The following SNTB2 variants were observed in gnomAD, a reference collection of about 807,000 sequenced individuals.
The protein encoded by SNTB2 is beta-2-syntrophin.
SNTB2 carries 34 observed loss-of-function variants against 46.2 expected under a neutral mutation model. The observed-to-expected ratio is 0.74, with a 90% confidence interval of 0.56 to 0.98. The LOEUF is 0.98. SNTB2 is among the 50% of genes least tolerant of loss of function. The pLI is 0.00. For synonymous variants in SNTB2, 290 were observed against 312.6 expected, an observed-to-expected ratio of 0.93 and a Z score of 0.76; for missense variants, 603 against 731.4, an observed-to-expected ratio of 0.82 and a Z score of 2.02.
intron 1 of SNTB2, among the ~76,000 whole-genome samples, chr16:69,224,588 T>C (rs72795244): frequency 1.3e-5 from 2 of 152,282 alleles, no homozygotes; most frequent in East Asian, 3.9e-4. Flanking sequence ...CCCAGTAATT[T>C]TAGCATAAAT....
intron 2 of SNTB2, among the ~76,000 whole-genome samples, chr16:69,253,343 T>C (rs1597187921): frequency 6.6e-6 from 1 of 152,030 alleles, no homozygotes; most frequent in African/African-American, 2.4e-5. Flanking sequence ...GCAAAATTTT[T>C]CTTTTCATAA....
intron 1 of SNTB2, among the ~76,000 whole-genome samples, chr16:69,192,895 A>G (rs544265791): frequency 6.6e-6 from 1 of 152,290 alleles, no homozygotes; most frequent in South Asian, 2.1e-4. Context: ...AGACATTGCT[A>G]GAATGCTATA....
intron 3 of SNTB2, among the ~76,000 whole-genome samples, chr16:69,269,315 G>A (rs770689460): frequency 2.0e-5 from 3 of 151,684 alleles, no homozygotes; most frequent in East Asian, 3.9e-4. Context: ...TCAGGAGATC[G>A]AGACCATCCC....
chr16:69,277,956 T>C (rs544617353), intron 4 of SNTB2, among the ~76,000 whole-genome samples: 3 of 152,318 alleles, frequency 2.0e-5, no homozygotes, highest in East Asian at 3.9e-4. Flanking sequence ...CCAAGGCATG[T>C]GGATCGCTTG....
At chr16:69,202,741 A>C (rs1377384814) in intron 1 of SNTB2, among the ~76,000 whole-genome samples, 5 of 151,944 alleles carry the variant, frequency 3.3e-5, no homozygotes, top group African/African-American at 1.2e-4. Context: ...ACGCCTGGCT[A>C]ATTTTTGTAT....
chr16:69,279,848 AATT>A (rs1359404855), intron 4 of SNTB2, among the ~76,000 whole-genome samples: 2 of 120,812 alleles, frequency 1.7e-5, no homozygotes, highest in African/African-American at 5.6e-5. Flanking sequence ...CATTTTTTTT[AATT>A]AATTAATTAA....
intron 5 of SNTB2, among the ~76,000 whole-genome samples, chr16:69,289,764 A>G (rs975604776): frequency 1.3e-5 from 2 of 152,090 alleles, no homozygotes; most frequent in African/African-American, 2.4e-5. Context: ...TCTACAAAAA[A>G]TTAAAAAATT....
intron 1 of SNTB2, among the ~76,000 whole-genome samples, chr16:69,245,256 T>C (rs561326363): frequency 6.6e-6 from 1 of 152,268 alleles, no homozygotes; most frequent in East Asian, 1.9e-4. Flanking sequence ...TGGAGTGCAG[T>C]GGCACAATCT....
intron 1 of SNTB2, among the ~76,000 whole-genome samples, chr16:69,213,124 T>G (rs780608666): frequency 5.9e-5 from 9 of 152,200 alleles, no homozygotes; most frequent in Admixed American, 3.9e-4. Flanking sequence ...TTTCTTTATA[T>G]GTAAAATGGG....
chr16:69,227,072 C>A (rs1454243176), intron 1 of SNTB2, among the ~76,000 whole-genome samples: 1 of 152,146 alleles, frequency 6.6e-6, no homozygotes, highest in Non-Finnish European at 1.5e-5. Flanking sequence ...TGGGGCTGAC[C>A]AAGGGCCTTT....
chr16:69,224,490 C>T (rs531596961), intron 1 of SNTB2, among the ~76,000 whole-genome samples: 76 of 152,294 alleles, frequency 5.0e-4, no homozygotes, highest in Non-Finnish European at 9.3e-4. Flanking sequence ...GGATTACAGG[C>T]GTGAGCCACT....
chr16:69,290,923 A>C (rs1412752336), intron 5 of SNTB2, among the ~76,000 whole-genome samples: 1 of 152,230 alleles, frequency 6.6e-6, no homozygotes, highest in Non-Finnish European at 1.5e-5. Flanking sequence ...TGACCAGGTT[A>C]AACTTCTGAA....
chr16:69,292,629 T>G (rs1350112219), intron 5 of SNTB2, among the ~76,000 whole-genome samples: 1 of 146,568 alleles, frequency 6.8e-6, no homozygotes, highest in African/African-American at 2.5e-5. Context: ...TTTTTTGCAT[T>G]TTTAGTAGAG....
rs2143213183 is a variant in SNTB2, at chr16:69,301,722, T to C, written c.*798T>C. The C allele has an allele frequency of 6.5e-6, 1 of 152,794 alleles. No individual in the cohort carries two copies. Among genetic ancestry groups the C allele is most frequent in the Admixed American group, 6.5e-5 (1 of 15,300 alleles). 9.5% of individuals were successfully genotyped at this position (152,794 alleles called of 1,614,324 possible). On this transcript the variant is annotated 3_prime_UTR_variant, in exon 7 of 7. Coordinates refer to ENST00000336278, the MANE Select transcript of SNTB2 (RefSeq NM_006750.4). ...TTAGGAGCCAGGGGATAAGATTTAT[T>C]TTAAATGAAAATCCTCTTCCTAGGT...
At position 69,268,758 on chromosome 16, in the gene SNTB2, G is replaced by A. The variant is rs184716271; in HGVS notation, c.1006-1385G>A. Among the ~76,000 whole-genome samples, 8 of 152,108 alleles carry A rather than the reference G, an allele frequency of 5.3e-5. No individual in the cohort carries two copies. In the East Asian group the frequency reaches 1.2e-3, roughly 22 times the overall value. Reference sequence around the variant, plus strand: ...CATGCACCTATTGTCCCAGCTCCTCGGGAGGCTGAGGCAGGAGAATTGCTT... The same window carrying A: ...CATGCACCTATTGTCCCAGCTCCTCAGGAGGCTGAGGCAGGAGAATTGCTT... On this transcript the variant is annotated intron_variant, in intron 3 of 6. Transcript: ENST00000336278.
Position 69,292,138 on chromosome 16 carries a change from G to A in SNTB2, c.1346-7452G>A, listed in dbSNP as rs1464723816. ...TGTAGTCCCAGCTACTCAGGAGGTT[G>A]AGGCAGGAGAATGGCGAGAACCCGG... On this transcript the variant is annotated intron_variant, in intron 5 of 6. Coordinates refer to ENST00000336278, the MANE Select transcript of SNTB2 (RefSeq NM_006750.4). Among the ~76,000 whole-genome samples the A allele has an allele frequency of 2.0e-5, 3 of 148,022 alleles. No individual in the cohort carries two copies. In the Admixed American group the frequency reaches 2.0e-4, roughly 10 times the overall value.
intron 1 of SNTB2, among the ~76,000 whole-genome samples, chr16:69,208,845 A>G (rs1271463069): frequency 2.6e-5 from 4 of 152,176 alleles, no homozygotes; most frequent in Admixed American, 2.6e-4. Flanking sequence ...AATACAAAAA[A>G]AAAAAAATCT....
At chr16:69,278,934 TAA>T (rs1460757147) in intron 4 of SNTB2, among the ~76,000 whole-genome samples, 7 of 118,556 alleles carry the variant, frequency 5.9e-5, no homozygotes, top group Non-Finnish European at 1.2e-4. Context: ...GTGTGTGTGT[TAA>T]TAAACTCATA....
intron 1 of SNTB2, among the ~76,000 whole-genome samples, chr16:69,238,985 C>G (rs957698654): frequency 6.6e-6 from 1 of 152,160 alleles, no homozygotes; most frequent in Non-Finnish European, 1.5e-5. Flanking sequence ...TGGTCTGCCT[C>G]CCAGCCCCGT....
Sources: allele counts gnomAD v4.1 joint callset (sites outside exome capture counted in the v4.1 genomes callset), GRCh38; gene constraint gnomAD v4.1.1; transcripts MANE v1.5; gene names NCBI Gene and HGNC (gene_info 2026-07-23, HGNC 2026-07-21).